The following TEKT1 variants were observed in gnomAD, a reference collection of about 807,000 sequenced individuals.
TEKT1 encodes tektin-1.
TEKT1 carries 32 observed loss-of-function variants against 34.8 expected under a neutral mutation model. The ratio of observed to expected loss-of-function variants is 0.92; its 90% CI spans 0.69 to 1.23. The LOEUF (loss-of-function observed/expected upper bound fraction) is 1.23. Ranked by LOEUF, TEKT1 falls within the 50% of genes most tolerant of loss-of-function variation. The pLI is 0.00. For synonymous variants in TEKT1, 207 were observed against 199.8 expected (o/e 1.04, Z -0.30); for missense variants, 492 against 518.5 (o/e 0.95, Z 0.50).
intron 6 of TEKT1, among the ~76,000 whole-genome samples, chr17:6,808,940 T>C (rs137943037): frequency 5.9e-5 from 9 of 152,278 alleles, no homozygotes; most frequent in Middle Eastern, 3.4e-3. Context: ...ATAAACTAAA[T>C]CCAGTCTGCA....
chr17:6,826,617 CAGAT>C (rs78082301), intron 2 of TEKT1, among the ~76,000 whole-genome samples: 47,763 of 145,658 alleles, frequency 0.33, 7,908 homozygotes, highest in Middle Eastern at 0.39. Flanking sequence ...CTTAGATTTG[CAGAT>C]AGATAGATAG....
intron 6 of TEKT1, among the ~76,000 whole-genome samples, chr17:6,804,672 CGTT>C (rs1208572789): frequency 1.3e-5 from 2 of 151,922 alleles, no homozygotes; most frequent in African/African-American, 2.4e-5. Flanking sequence ...TAGCATGAAG[CGTT>C]GTTGAATTTT....
chr17:6,811,306 ATGTGTGTG>A lies in TEKT1; in HGVS notation c.852+1517_852+1524del, dbSNP rs34180300. ...ATTATATGTTAATCATATATGCAAAATGTGTGTGTGTGTGTGTGTGTGTGTGTGAAATG... is the reference window on the plus strand; with the variant it reads ...ATTATATGTTAATCATATATGCAAAATGTGTGTGTGTGTGTGTGTGAAATG... On this transcript the variant is annotated intron_variant, in intron 6 of 7. Coordinates refer to ENST00000338694, the MANE Select transcript of TEKT1 (RefSeq NM_053285.2). The surrounding 1 kb of genome is among the most constrained non-coding windows in gnomAD (Gnocchi z 4.4). Among the ~76,000 whole-genome samples, 5 of 149,684 alleles carry A rather than the reference ATGTGTGTG, an allele frequency of 3.3e-5. No homozygotes were observed. Among genetic ancestry groups the A allele is most frequent in the Admixed American group, 6.7e-5 (1 of 14,986 alleles).
At chr17:6,815,592 C>T (rs1272588242) in intron 4 of TEKT1, among the ~76,000 whole-genome samples, 1 of 152,174 alleles carries the variant, frequency 6.6e-6, no homozygotes, top group African/African-American at 2.4e-5. Context: ...TGGGTTCCAG[C>T]GTCCTCCAGT....
chr17:6,801,814 T>A (rs1177478170), intron 6 of TEKT1, among the ~76,000 whole-genome samples: 7 of 152,218 alleles, frequency 4.6e-5, no homozygotes, highest in Admixed American at 2.6e-4. Context: ...GCATTTTTTT[T>A]AAAACTTGTA....
rs1976726059 is a variant in TEKT1, at chr17:6,798,626, C to T, written c.*1401G>A. 1 of 152,186 alleles carries T rather than the reference C, an allele frequency of 6.6e-6. No homozygotes were observed. The highest frequency in any genetic ancestry group is 2.4e-5 in the African/African-American group (1 of 41,444). The allele number at this position is 152,186 out of a possible 1,614,324, so 9.4% of individuals were successfully genotyped here. A position where few individuals can be genotyped will look rare whatever the true frequency, so the allele number is the denominator to read the frequency against. On this transcript the variant is annotated 3_prime_UTR_variant, in exon 8 of 8. Coordinates refer to ENST00000338694, the MANE Select transcript of TEKT1 (RefSeq NM_053285.2). ...ATAGATCAGAATTAACAGAATTAAG[C>T]CAGTGCTTTTGGCCTCAAAGGGGGT...
intron 6 of TEKT1, among the ~76,000 whole-genome samples, chr17:6,806,488 G>A (rs527891693): frequency 1.3e-5 from 2 of 152,256 alleles, no homozygotes; most frequent in South Asian, 2.1e-4. Flanking sequence ...ATATTGTTAT[G>A]TGTGAATTTG....
intron 4 of TEKT1, among the ~76,000 whole-genome samples, chr17:6,815,630 G>A (rs1265361476): frequency 6.6e-6 from 1 of 152,138 alleles, no homozygotes; most frequent in Non-Finnish European, 1.5e-5. Context: ...TCCAGCTCCA[G>A]CCCCACCCTT....
rs4453555 is a variant in TEKT1 at position 6,803,339 on chromosome 17, A to G, written c.853-2396T>C. Reference sequence around the variant, plus strand: ...TTTTCTTGTAAATTTGTTGGAGTTCATTCTAGATTCTGGATATTAGCCCTT... The same window carrying G: ...TTTTCTTGTAAATTTGTTGGAGTTCGTTCTAGATTCTGGATATTAGCCCTT... On this transcript the variant is annotated intron_variant, in intron 6 of 7. Coordinates refer to ENST00000338694, the MANE Select transcript of TEKT1 (RefSeq NM_053285.2). Among the ~76,000 whole-genome samples the G allele has an allele frequency of 2.6e-3, 396 of 152,164 alleles. 5 individuals are homozygous for G. The highest frequency in any genetic ancestry group is 0.021 in the East Asian group (108 of 5,182).
intron 3 of TEKT1, among the ~76,000 whole-genome samples, chr17:6,818,819 A>C (rs28369177): frequency 0.047 from 7,098 of 152,268 alleles, 525 homozygotes; most frequent in African/African-American, 0.16. Flanking sequence ...AGAAGATAGA[A>C]AAAGCCTGGA....
In TEKT1 at chr17:6,827,000, AT is replaced by A. The variant is rs567119126; in HGVS notation, c.190+3186del. On this transcript the variant is annotated intron_variant, in intron 2 of 7. Coordinates refer to ENST00000338694, the MANE Select transcript of TEKT1 (RefSeq NM_053285.2). Reference sequence around the variant, plus strand: ...GTAAGCCACGGCGCCTGGCCAAGATATCATTTTTTATATGAATATCTAATTG... The same window carrying A: ...GTAAGCCACGGCGCCTGGCCAAGATACATTTTTTATATGAATATCTAATTG... Among the ~76,000 whole-genome samples, 4 of 152,218 alleles carry A rather than the reference AT, an allele frequency of 2.6e-5. No individual in the cohort carries two copies. The South Asian group carries it at 8.3e-4, about 32-fold the overall frequency.
chr17:6,802,252 C>T (rs897248029), intron 6 of TEKT1, among the ~76,000 whole-genome samples: 3 of 152,174 alleles, frequency 2.0e-5, no homozygotes, highest in African/African-American at 7.2e-5. Context: ...TTAAGGTTTT[C>T]ATAAGTCCGG....
rs35118649 is a variant in TEKT1 at position 6,800,617 on chromosome 17, A to AG, written c.1049+129dup. On this transcript the variant is annotated intron_variant, in intron 7 of 7. Transcript: ENST00000338694. ...CGGGAGGTGGTGGAGACTTCCCTCT[A>AG]GGGGGCATTCCTCAAGCATTCCAGA... 5 of 1,160,530 alleles carry AG rather than the reference A, an allele frequency of 4.3e-6. No individual in the cohort carries two copies. The East Asian group carries it at 9.8e-5, about 23-fold the overall frequency. The allele number at this position is 1,160,530 out of a possible 1,614,324, so 71.9% of individuals were successfully genotyped here.
intron 6 of TEKT1, among the ~76,000 whole-genome samples, chr17:6,810,097 CTCA>C (rs1976907026): frequency 1.3e-5 from 2 of 152,220 alleles, no homozygotes; most frequent in Non-Finnish European, 2.9e-5. Flanking sequence ...ATTTTGCATT[CTCA>C]TCATCAATGA....
chr17:6,810,557 G>A (rs1032200809), intron 6 of TEKT1, among the ~76,000 whole-genome samples: 2 of 152,132 alleles, frequency 1.3e-5, no homozygotes, highest in African/African-American at 2.4e-5. Flanking sequence ...ACACAGCCAT[G>A]CTTATTCATT....
At position 6,815,216 on chromosome 17, in the gene TEKT1, G is replaced by C; in HGVS notation, c.576C>G (p.Asn192Lys). 1 of 1,614,228 alleles carries C rather than the reference G, an allele frequency of 6.2e-7. No individual in the cohort carries two copies. Residue 192 changes from asparagine (N) to lysine (K), a missense_variant, in exon 5 of 8, where the codon AAC (asparagine) becomes AAG (lysine). Physicochemically the swap from Asn to Lys is moderately conservative, Grantham distance 94. Coordinates refer to ENST00000338694, the MANE Select transcript of TEKT1 (RefSeq NM_053285.2). ...AATATCTGATGTTTGGTGAGTTGTT[G>C]TTGAGCGAGAAGCAGATATCATCTA... ...LTIDDICFSL[N>K]NNSPNIRYSE...
At chr17:6,804,337 T>C (rs1335397766) in intron 6 of TEKT1, among the ~76,000 whole-genome samples, 4 of 152,054 alleles carry the variant, frequency 2.6e-5, no homozygotes, top group African/African-American at 7.2e-5. Context: ...CTGAAGTTGC[T>C]TATCAGCTTA....
At position 6,811,280 on chromosome 17, in the gene TEKT1, T is replaced by C. The variant is rs926874129; in HGVS notation, c.852+1551A>G. On this transcript the variant is annotated intron_variant, in intron 6 of 7. Transcript: ENST00000338694. This position sits in a 1 kb window ranked among gnomAD's most constrained non-coding sequence, Gnocchi z 4.4. ...CTATTTTTATTATTTATATGTATGA[T>C]ATTATATGTTAATCATATATGCAAA... is the stretch of plus-strand genomic sequence containing the variant. Among the ~76,000 whole-genome samples, 4 of 150,028 alleles carry C rather than the reference T, an allele frequency of 2.7e-5. No homozygotes were observed. Among genetic ancestry groups the C allele is most frequent in the Non-Finnish European group, 4.4e-5 (3 of 67,838 alleles).
Position 6,799,793 on chromosome 17 carries a change from T to C in TEKT1, c.*234A>G. 2.4e-6 allele frequency: 1 copy of C among 425,232 alleles called. No homozygotes were observed. Among genetic ancestry groups the C allele is most frequent in the Non-Finnish European group, 4.1e-6 (1 of 241,272 alleles). 26.3% of individuals were successfully genotyped at this position (425,232 alleles called of 1,614,324 possible). The stretch of plus-strand genomic sequence containing the variant: ...CCCTGTCCTGGGGCCCCAAGTCCTG[T>C]GATATTGTAAGAGTGGCCTGTGCTA... On this transcript the variant is annotated 3_prime_UTR_variant, in exon 8 of 8. Coordinates refer to ENST00000338694, the MANE Select transcript of TEKT1 (RefSeq NM_053285.2).
Sources: allele counts gnomAD v4.1 joint callset (sites outside exome capture counted in the v4.1 genomes callset), GRCh38; gene constraint gnomAD v4.1.1; non-coding constraint Gnocchi (gnomAD v3.1); transcripts MANE v1.5; gene names NCBI Gene and HGNC (gene_info 2026-07-23, HGNC 2026-07-21).